RBKS: variants seen among roughly 807,000 people sequenced by gnomAD.
RBKS encodes the protein ribokinase.
In RBKS, 33 loss-of-function variants were observed where a neutral mutation model predicts 33.9. That is an observed-to-expected ratio of 0.97 (90% CI 0.74 to 1.30). The LOEUF is 1.30. Ranked by LOEUF, RBKS falls within the 50% of genes most tolerant of loss-of-function variation. The pLI is 0.00. For synonymous variants in RBKS, 125 were observed against 143.0 expected (o/e 0.87, Z 0.90); for missense variants, 361 against 392.6 (o/e 0.92, Z 0.68).
chr2:27,816,158 A>T (rs1305758199), intron 7 of RBKS, among the ~76,000 whole-genome samples: 1 of 152,244 alleles, frequency 6.6e-6, no homozygotes, highest in Non-Finnish European at 1.5e-5. Context: ...TCTGGTAAGC[A>T]GTTACAATTA....
intron 1 of RBKS, among the ~76,000 whole-genome samples, chr2:27,863,173 A>G (rs1664023784): frequency 6.6e-6 from 1 of 152,240 alleles, no homozygotes. Flanking sequence ...AACCATGCCT[A>G]AGAAATATAT....
chr2:27,870,496 T>TTG (rs1664182215), intron 1 of RBKS: 1 of 207,516 alleles, frequency 4.8e-6, no homozygotes, highest in South Asian at 7.0e-5. Flanking sequence ...GCCATCTCAC[T>TTG]TGTGTGTGTG....
In RBKS at chr2:27,810,195, T is replaced by G. The variant is rs1379084603; in HGVS notation, c.795+17372A>C. ...CAACCCAAATTCGTCATATACTGGC[T>G]GATTTGTCACTTTATCAGGGAAGGA... On this transcript the variant is annotated intron_variant, in intron 7 of 7. Coordinates refer to ENST00000302188, the MANE Select transcript of RBKS (RefSeq NM_022128.3). This position sits in a 1 kb window ranked among gnomAD's most constrained non-coding sequence, Gnocchi z 4.4. 1 of 1,047,386 alleles carries G rather than the reference T, an allele frequency of 9.5e-7. No individual in the cohort carries two copies. The allele number at this position is 1,047,386 out of a possible 1,614,324, so 64.9% of individuals were successfully genotyped here.
chr2:27,878,896 G>A (rs140023564), intron 1 of RBKS, among the ~76,000 whole-genome samples: 32 of 152,292 alleles, frequency 2.1e-4, no homozygotes, highest in African/African-American at 6.3e-4. Context: ...TGTCATTCTT[G>A]TACTTTGAGC....
intron 1 of RBKS, among the ~76,000 whole-genome samples, chr2:27,873,466 C>A (rs1376652141): frequency 2.0e-5 from 3 of 152,072 alleles, no homozygotes. Context: ...TGACAGAATA[C>A]CAAAGAACTG....
chr2:27,789,947 G>GTGTATATATATATATATATATATATA (rs1677484295), intron 7 of RBKS, among the ~76,000 whole-genome samples: 1 of 95,154 alleles, frequency 1.1e-5, no homozygotes, highest in South Asian at 3.5e-4. Flanking sequence ...ATATGTATAT[G>GTGTATATATATATATATATATATATA]TGTATATATA....
At chr2:27,857,752 A>G (rs547330490) in intron 2 of RBKS, among the ~76,000 whole-genome samples, 1 of 152,344 alleles carries the variant, frequency 6.6e-6, no homozygotes, top group Admixed American at 6.5e-5. Flanking sequence ...CAGGGAATGC[A>G]GCATTAAGTT....
At chr2:27,840,354 ACGCGCG>A (rs1287898321) in intron 5 of RBKS, among the ~76,000 whole-genome samples, 28 of 108,408 alleles carry the variant, frequency 2.6e-4, no homozygotes, top group African/African-American at 8.0e-4. Context: ...ACACACACAC[ACGCGCG>A]CGCGCACACA....
chr2:27,797,325 G>A (rs558030673), intron 7 of RBKS, among the ~76,000 whole-genome samples: 1 of 152,188 alleles, frequency 6.6e-6, no homozygotes, highest in Non-Finnish European at 1.5e-5. Flanking sequence ...TAGCAAGAGG[G>A]GCAGCTTCTT....
chr2:27,833,738 G>C (rs1678466727), intron 5 of RBKS, among the ~76,000 whole-genome samples: 2 of 152,152 alleles, frequency 1.3e-5, no homozygotes, highest in Non-Finnish European at 2.9e-5. Flanking sequence ...CCTTTGGTTT[G>C]GGACTTCGTA....
At chr2:27,879,990 T>G (rs1378705073) in intron 1 of RBKS, among the ~76,000 whole-genome samples, 1 of 152,124 alleles carries the variant, frequency 6.6e-6, no homozygotes, top group East Asian at 1.9e-4. Flanking sequence ...ACTCATTCTA[T>G]GAGGCCAGCA....
At chr2:27,823,190 A>G (rs1678245525) in intron 7 of RBKS, among the ~76,000 whole-genome samples, 1 of 152,172 alleles carries the variant, frequency 6.6e-6, no homozygotes, top group African/African-American at 2.4e-5. Flanking sequence ...GAAATGGGAG[A>G]AGAGACACAT....
intron 1 of RBKS, among the ~76,000 whole-genome samples, chr2:27,879,848 T>C (rs999538464): frequency 1.3e-5 from 2 of 152,100 alleles, no homozygotes; most frequent in African/African-American, 2.4e-5. Flanking sequence ...CAGTAATAAA[T>C]AGCCTACCAA....
chr2:27,790,837 TACAG>T (rs1052664360), intron 7 of RBKS, among the ~76,000 whole-genome samples: 16 of 152,344 alleles, frequency 1.1e-4, no homozygotes, highest in African/African-American at 3.6e-4. Flanking sequence ...TGCAAAATGA[TACAG>T]ACACTTTGGA....
chr2:27,830,632 C>T (rs545880500), intron 6 of RBKS, among the ~76,000 whole-genome samples: 2 of 152,286 alleles, frequency 1.3e-5, no homozygotes, highest in South Asian at 4.1e-4. Flanking sequence ...CCTTAAAGAC[C>T]AGAGTTCTTT....
chr2:27,793,525 C>T (rs1181856419), intron 7 of RBKS, among the ~76,000 whole-genome samples: 5 of 152,152 alleles, frequency 3.3e-5, no homozygotes, highest in Admixed American at 6.5e-5. Flanking sequence ...GCCTCAAATG[C>T]GTAAGACAGA....
At position 27,890,360 on chromosome 2, in the gene RBKS, G is replaced by A; in HGVS notation, c.-15C>T. ...GACGCCGCCATCGCTCAAAGGTGCT[G>A]CTGTCCAACCTGGACGGTGACCTCT... On this transcript the variant is annotated 5_prime_UTR_variant, in exon 1 of 8. Coordinates refer to ENST00000302188, the MANE Select transcript of RBKS (RefSeq NM_022128.3). This position sits in a 1 kb window ranked among gnomAD's most constrained non-coding sequence, Gnocchi z 4.8. 4 of 1,611,300 alleles carry A rather than the reference G, an allele frequency of 2.5e-6. No individual in the cohort carries two copies. Among genetic ancestry groups the A allele is most frequent in the Non-Finnish European group, 3.4e-6 (4 of 1,179,342 alleles).
chr2:27,855,862 T>C (rs1663848369), intron 2 of RBKS, among the ~76,000 whole-genome samples: 1 of 152,230 alleles, frequency 6.6e-6, no homozygotes, highest in African/African-American at 2.4e-5. Context: ...TAGTTTGTTA[T>C]AGGTAGCAAG....
chr2:27,839,475 T>G (rs1022943073), intron 5 of RBKS, among the ~76,000 whole-genome samples: 1 of 152,108 alleles, frequency 6.6e-6, no homozygotes. Flanking sequence ...GGGCTACCGA[T>G]TTTTGGTGTT....
Sources: gnomAD v4.1 joint callset for allele counts (sites outside exome capture counted in the v4.1 genomes callset) on GRCh38, gnomAD v4.1.1 for gene constraint, Gnocchi (gnomAD v3.1) non-coding constraint, MANE v1.5 for transcripts, NCBI Gene and HGNC (gene_info 2026-07-23, HGNC 2026-07-21) for gene names.